Variants in PAK1 observed in about 807,000 individuals in gnomAD.
PAK1 encodes the protein serine/threonine-protein kinase PAK 1.
A neutral mutation model predicts 67.4 loss-of-function variants in PAK1; 29 were observed. That is an observed-to-expected ratio of 0.43 (90% CI 0.32 to 0.59). The LOEUF is 0.59. PAK1 is among the 20% of genes least tolerant of loss of function. The probability of loss-of-function intolerance (pLI) is 0.07; values close to 1 mark genes in which losing one functional copy is unlikely to be tolerated. For synonymous variants in PAK1, 223 were observed against 237.4 expected (o/e 0.94, Z 0.56); for missense variants, 337 against 670.7 (o/e 0.50, Z 5.50).
At chr11:77,507,141 C>A in the PAK1 span, among the ~76,000 whole-genome samples, 1 of 152,154 alleles carries the variant, frequency 6.6e-6, no homozygotes, top group African/African-American at 2.4e-5. Context: ...TGGTCAGCAG[C>A]ATGTAGAGTG....
chr11:77,489,787 C>T, the PAK1 span, among the ~76,000 whole-genome samples: 1 of 151,968 alleles, frequency 6.6e-6, no homozygotes, highest in Admixed American at 6.5e-5. Context: ...GTGGCGTGAT[C>T]TCGGCTCGCT....
At chr11:77,394,844 AAAAACAAAAC>A (rs67716970) in intron 1 of PAK1, among the ~76,000 whole-genome samples, 36,546 of 151,806 alleles carry the variant, frequency 0.24, 5,001 homozygotes, top group Non-Finnish European at 0.31. Context: ...ACTCTGTCTC[AAAAACAAAAC>A]AAAACAAAAC....
intron 14 of PAK1, 135 bp downstream of exon 14, chr11:77,332,595 G>T: frequency 1.4e-6 from 1 of 695,932 alleles, no homozygotes; most frequent in Non-Finnish European, 2.5e-6. Context: ...AAGGGCAGTA[G>T]GAACAGAGTG....
At chr11:77,388,474 C>G (rs1474690147) in intron 2 of PAK1, among the ~76,000 whole-genome samples, 1 of 152,224 alleles carries the variant, frequency 6.6e-6, no homozygotes, top group Non-Finnish European at 1.5e-5. Flanking sequence ...CTGCCTCAGC[C>G]TCCCCAGCAG....
At chr11:77,379,149 C>T in intron 4 of PAK1, 92 bp downstream of exon 4, 1 of 1,103,726 alleles carries the variant, frequency 9.1e-7, no homozygotes, top group Non-Finnish European at 1.3e-6. Context: ...CCACTACTTT[C>T]TTCTCTCATC....
At chr11:77,496,657 G>A in the PAK1 span, among the ~76,000 whole-genome samples, 1 of 152,148 alleles carries the variant, frequency 6.6e-6, no homozygotes, top group Non-Finnish European at 1.5e-5. Flanking sequence ...CTCAGGCTGA[G>A]CTCAGTGGCT....
intron 9 of PAK1, among the ~76,000 whole-genome samples, chr11:77,344,663 CTG>C (rs1223544341): frequency 1.3e-5 from 2 of 152,180 alleles, no homozygotes; most frequent in South Asian, 4.1e-4. Context: ...GACGGGGAAA[CTG>C]TGTTTCAGAG....
chr11:77,416,370 A>T (rs1954952467), intron 1 of PAK1, among the ~76,000 whole-genome samples: 1 of 152,202 alleles, frequency 6.6e-6, no homozygotes, highest in Admixed American at 6.5e-5. Flanking sequence ...AGGACTGTCA[A>T]CATTAGTGTC....
At chr11:77,412,434 T>C (rs1253849351) in intron 1 of PAK1, among the ~76,000 whole-genome samples, 5 of 152,038 alleles carry the variant, frequency 3.3e-5, no homozygotes, top group Non-Finnish European at 7.4e-5. Context: ...ACATTATTAT[T>C]ATTATTATTT....
At chr11:77,360,102 G>A (rs192662540) in intron 5 of PAK1, among the ~76,000 whole-genome samples, 4 of 152,148 alleles carry the variant, frequency 2.6e-5, no homozygotes, top group African/African-American at 9.7e-5. Flanking sequence ...AGCCTCCTAA[G>A]AGGAAGGTCC....
At chr11:77,414,271 T>G (rs1954827713) in intron 1 of PAK1, among the ~76,000 whole-genome samples, 1 of 152,234 alleles carries the variant, frequency 6.6e-6, no homozygotes. Context: ...TGCAAGTCAC[T>G]GGGGATAGAC....
intron 2 of PAK1, among the ~76,000 whole-genome samples, chr11:77,388,097 G>C (rs555606984): frequency 2.8e-4 from 42 of 152,298 alleles, no homozygotes; most frequent in Admixed American, 2.4e-3. Context: ...CATTTTGCAA[G>C]AACTTCTTAT....
chr11:77,427,973 A>G (rs1165548491), intron 1 of PAK1, among the ~76,000 whole-genome samples: 1 of 152,184 alleles, frequency 6.6e-6, no homozygotes, highest in African/African-American at 2.4e-5. Context: ...AGAGGAGTAA[A>G]TGTACTGGGG....
At chr11:77,484,565 T>C in the PAK1 span, among the ~76,000 whole-genome samples, 1 of 152,206 alleles carries the variant, frequency 6.6e-6, no homozygotes, top group Non-Finnish European at 1.5e-5. Context: ...TCATGGGTGG[T>C]TGGGAAAGCA....
intron 14 of PAK1, among the ~76,000 whole-genome samples, chr11:77,330,444 C>A (rs1338559447): frequency 6.6e-6 from 1 of 152,108 alleles, no homozygotes; most frequent in African/African-American, 2.4e-5. Context: ...GAGATATAGA[C>A]CAATGGAGCA....
chr11:77,371,775 G>T (rs1427459924), intron 5 of PAK1, among the ~76,000 whole-genome samples: 4 of 152,204 alleles, frequency 2.6e-5, no homozygotes, highest in African/African-American at 9.6e-5. Flanking sequence ...CAATGTCCTT[G>T]ACAGCCTTAG....
intron 8 of PAK1, 106 bp downstream of exon 8, chr11:77,353,430 G>A (rs1325336631): frequency 2.6e-6 from 2 of 764,750 alleles, no homozygotes; most frequent in African/African-American, 3.5e-5. Context: ...GTAAAGTGGA[G>A]AAAGAAGAAC....
intron 5 of PAK1, among the ~76,000 whole-genome samples, chr11:77,361,463 G>C (rs188955506): frequency 6.6e-6 from 1 of 152,280 alleles, no homozygotes; most frequent in Admixed American, 6.5e-5. Flanking sequence ...CTGGGAATCA[G>C]ATTATGTAAA....
chr11:77,527,977 G>A, the PAK1 span, among the ~76,000 whole-genome samples: 1 of 151,842 alleles, frequency 6.6e-6, no homozygotes, highest in African/African-American at 2.4e-5. Context: ...AGCCTCCCAA[G>A]TAGCTGGGAC....
Sources: gnomAD v4.1 joint callset for allele counts (sites outside exome capture counted in the v4.1 genomes callset) on GRCh38, gnomAD v4.1.1 for gene constraint, MANE v1.5 for transcripts, NCBI Gene and HGNC (gene_info 2026-07-23, HGNC 2026-07-21) for gene names.